GALNT3: variants seen among roughly 807,000 people sequenced by gnomAD.
GALNT3 encodes GalNAc transferase 3.
Under a neutral mutation model 69.8 loss-of-function variants are expected in GALNT3, and 51 were observed. The ratio of observed to expected loss-of-function variants is 0.73; its 90% CI spans 0.58 to 0.92. The LOEUF (loss-of-function observed/expected upper bound fraction) is 0.92. GALNT3 is among the 40% of genes least tolerant of loss of function. The pLI is 0.00. For missense variants in GALNT3, 711 were observed against 760.0 expected, an observed-to-expected ratio of 0.94 and a Z score of 0.76; for synonymous variants, 265 against 248.5, an observed-to-expected ratio of 1.07 and a Z score of -0.63.
intron 5 of GALNT3, 43 bp from the exon 6 acceptor site, chr2:165,758,907 C>T: frequency 1.7e-6 from 2 of 1,143,406 alleles, no homozygotes; most frequent in Non-Finnish European, 2.7e-6. Flanking sequence ...AAAAACTAAA[C>T]AAGATAAAAC....
intron 9 of GALNT3, among the ~76,000 whole-genome samples, chr2:165,752,659 A>T (rs1039417559): frequency 1.3e-5 from 2 of 152,196 alleles, no homozygotes; most frequent in South Asian, 4.1e-4. Context: ...CAATGTGTAC[A>T]ATATATCTTC....
rs1422974308 is a variant in GALNT3, at chr2:165,754,718, A to G, written c.1535T>C (p.Val512Ala). The change falls in exon 9 of 11, where the codon GTT becomes GCT. Residue 512 changes from valine (V) to alanine (A), a missense_variant. Coordinates refer to ENST00000392701, the MANE Select transcript of GALNT3 (RefSeq NM_004482.4). The stretch of plus-strand genomic sequence containing the variant: ...AACATCCAGACATAGAGGCTGACCA[A>G]CGCTTTTAATCTAAAGGAAAATTTT... ...NPVISGYIKS[V>A]GQPLCLDVGE... 3.7e-6 allele frequency: 6 copies of G among 1,612,044 alleles called. No homozygotes were observed. The East Asian group carries it at 1.3e-4, about 36-fold the overall frequency.
chr2:165,770,820 A>T lies in GALNT3; in HGVS notation c.-108-12T>A. 1 of 1,106,950 alleles carries T rather than the reference A, an allele frequency of 9.0e-7. No individual in the cohort carries two copies. Among genetic ancestry groups the T allele is most frequent in the Non-Finnish European group, 1.3e-6 (1 of 775,202 alleles). The allele number at this position is 1,106,950 out of a possible 1,614,324, so 68.6% of individuals were successfully genotyped here. ...TTTAATGGTAGTACCTATAAACAGAAATGATCGATGGTATTAGTAGCTATT... is the reference window on the plus strand; with the variant it reads ...TTTAATGGTAGTACCTATAAACAGATATGATCGATGGTATTAGTAGCTATT... On this transcript the variant is annotated splice_polypyrimidine_tract_variant and intron_variant, in intron 1 of 10. Coordinates refer to ENST00000392701, the MANE Select transcript of GALNT3 (RefSeq NM_004482.4).
chr2:165,751,499 TG>T (rs1688357465), intron 9 of GALNT3, among the ~76,000 whole-genome samples: 1 of 152,122 alleles, frequency 6.6e-6, no homozygotes, highest in South Asian at 2.1e-4. Context: ...ATCTCAAAAA[TG>T]GTAACAAAGG....
chr2:165,792,424 C>T (rs1683373741), intron 1 of GALNT3, among the ~76,000 whole-genome samples: 1 of 152,128 alleles, frequency 6.6e-6, no homozygotes, highest in South Asian at 2.1e-4. Flanking sequence ...ACATTTGTTT[C>T]TCTGTATGGA....
In GALNT3 at chr2:165,749,810, G is replaced by A. The variant is rs531415480; in HGVS notation, c.1711C>T (p.Leu571=). 4 of 1,613,612 alleles carry A rather than the reference G, an allele frequency of 2.5e-6. No homozygotes were observed. The East Asian group carries it at 8.9e-5, about 36-fold the overall frequency. ...CLHAAQGLVQ[L]KACTYKGHKT... is the part of the protein sequence containing the mutation. ...TGACCTTTGTAGGTACATGCCTTCA[G>A]CTGAACGAGACCTTGAGCAGCATGA... is the stretch of plus-strand genomic sequence containing the variant. The change falls in exon 10 of 11, where the codon CTG becomes TTG. Residue 571 remains leucine, a synonymous_variant. Coordinates refer to ENST00000392701, the MANE Select transcript of GALNT3 (RefSeq NM_004482.4).
chr2:165,760,969 T>C (rs1415989761), intron 4 of GALNT3, among the ~76,000 whole-genome samples: 1 of 151,964 alleles, frequency 6.6e-6, no homozygotes, highest in African/African-American at 2.4e-5. Flanking sequence ...AAACAAAAAT[T>C]GACAATGTTT....
intron 1 of GALNT3, among the ~76,000 whole-genome samples, chr2:165,777,754 G>A (rs1036179710): frequency 6.6e-6 from 1 of 152,184 alleles, no homozygotes; most frequent in Non-Finnish European, 1.5e-5. Flanking sequence ...TGTCTCAGAG[G>A]GGGCAGCAGT....
chr2:165,776,079 T>A (rs1688841400), intron 1 of GALNT3, among the ~76,000 whole-genome samples: 1 of 152,214 alleles, frequency 6.6e-6, no homozygotes, highest in African/African-American at 2.4e-5. Context: ...AATAATTTTA[T>A]AAATATTTTA....
At chr2:165,759,997 T>A (rs974379113) in intron 4 of GALNT3, among the ~76,000 whole-genome samples, 2 of 152,010 alleles carry the variant, frequency 1.3e-5, no homozygotes, top group African/African-American at 4.8e-5. Context: ...GAGGGTAGGA[T>A]GAAAAAGGTG....
In GALNT3 at chr2:165,771,424, A is replaced by G. The variant is rs913708776; in HGVS notation, c.-108-616T>C. ...TCAACAGCATTTAATTTGTTGTTAT[A>G]TAACAGCTAGTTTTAATAGCTCACA... On this transcript the variant is annotated intron_variant, in intron 1 of 10. Transcript: ENST00000392701. The G allele has an allele frequency of 3.3e-5, 5 of 152,252 alleles. No homozygotes were observed. The South Asian group carries it at 8.3e-4, about 25-fold the overall frequency. The allele number at this position is 152,252 out of a possible 1,614,324, so 9.4% of individuals were successfully genotyped here. A position where few individuals can be genotyped will look rare whatever the true frequency, so the allele number is the denominator to read the frequency against.
intron 1 of GALNT3, among the ~76,000 whole-genome samples, chr2:165,787,149 T>C (rs1401642132): frequency 6.6e-6 from 1 of 152,188 alleles, no homozygotes; most frequent in East Asian, 1.9e-4. Context: ...GGGAAGGATG[T>C]GGTGAGACTG....
chr2:165,791,255 C>CTGTG lies in GALNT3; in HGVS notation c.-109+2756_-109+2759dup, dbSNP rs71913828. 6.4e-3 allele frequency among the ~76,000 whole-genome samples: 939 copies of CTGTG among 147,340 alleles called. 9 individuals carry two copies. Among genetic ancestry groups the CTGTG allele is most frequent in the African/African-American group, 0.017 (690 of 40,292 alleles). On this transcript the variant is annotated intron_variant, in intron 1 of 10. Coordinates refer to ENST00000392701, the MANE Select transcript of GALNT3 (RefSeq NM_004482.4). The stretch of plus-strand genomic sequence containing the variant: ...TTCTTTCATGTGAGTGGGTGTGTGC[C>CTGTG]TGTGTGTGTGTGTGTGTGTGTGTGT...
At chr2:165,776,008 CAG>C (rs1264252288) in intron 1 of GALNT3, among the ~76,000 whole-genome samples, 1 of 152,118 alleles carries the variant, frequency 6.6e-6, no homozygotes, top group African/African-American at 2.4e-5. Flanking sequence ...CAAAAAGACT[CAG>C]GGATTTACGC....
chr2:165,774,909 C>CTTTT (rs71031204), intron 1 of GALNT3, among the ~76,000 whole-genome samples: 1,277 of 104,386 alleles, frequency 0.012, 30 homozygotes, highest in African/African-American at 0.02. Context: ...CTTCTTCTCT[C>CTTTT]TTTTTTTTTT....
intron 1 of GALNT3, among the ~76,000 whole-genome samples, chr2:165,776,797 T>G (rs1444000479): frequency 1.3e-5 from 2 of 152,172 alleles, no homozygotes; most frequent in Non-Finnish European, 2.9e-5. Flanking sequence ...AAAAATATGC[T>G]TCCATCTGAA....
intron 1 of GALNT3, chr2:165,771,658 A>C (rs1199284126): frequency 6.6e-6 from 1 of 152,202 alleles, no homozygotes; most frequent in Non-Finnish European, 1.5e-5. Context: ...ACTTTTTAGG[A>C]AACGATTACA....
At chr2:165,777,793 G>T (rs145868342) in intron 1 of GALNT3, among the ~76,000 whole-genome samples, 2 of 152,292 alleles carry the variant, frequency 1.3e-5, no homozygotes, top group Non-Finnish European at 2.9e-5. Flanking sequence ...TCAGCTAAAG[G>T]CAAAGTAGAG....
intron 1 of GALNT3, among the ~76,000 whole-genome samples, chr2:165,772,883 T>C (rs950746749): frequency 1.2e-4 from 19 of 152,180 alleles, no homozygotes; most frequent in African/African-American, 4.6e-4. Context: ...TTTCAGTGAA[T>C]TTGGAAATTA....
Sources: allele counts gnomAD v4.1 joint callset (sites outside exome capture counted in the v4.1 genomes callset), GRCh38; gene constraint gnomAD v4.1.1; transcripts MANE v1.5; gene names NCBI Gene and HGNC (gene_info 2026-07-23, HGNC 2026-07-21).